Variants in SPOCK3 observed in about 807,000 individuals in gnomAD.
SPOCK3 encodes SPARC (osteonectin), cwcv and kazal like domains proteoglycan 3.
A neutral mutation model predicts 56.6 loss-of-function variants in SPOCK3; 30 were observed. The ratio of observed to expected loss-of-function variants is 0.53; its 90% CI spans 0.40 to 0.72. The LOEUF is 0.72. SPOCK3 is among the 30% of genes least tolerant of loss of function. The pLI is 0.00. For synonymous variants in SPOCK3, 196 were observed against 183.3 expected, an observed-to-expected ratio of 1.07 and a Z score of -0.56; for missense variants, 527 against 530.0, an observed-to-expected ratio of 0.99 and a Z score of 0.06.
At chr4:166,937,325 A>G (rs1740520932) in intron 4 of SPOCK3, among the ~76,000 whole-genome samples, 1 of 151,452 alleles carries the variant, frequency 6.6e-6, no homozygotes, top group Admixed American at 6.6e-5. Context: ...AAAATGTAGC[A>G]TTTGATCAAG....
At chr4:167,130,478 A>G (rs1762616664) in intron 2 of SPOCK3, among the ~76,000 whole-genome samples, 1 of 152,158 alleles carries the variant, frequency 6.6e-6, no homozygotes, top group South Asian at 2.1e-4. Flanking sequence ...AATGCCTAAA[A>G]ATTTCTGATG....
intron 9 of SPOCK3, among the ~76,000 whole-genome samples, chr4:166,740,905 G>A (rs1734777877): frequency 1.3e-5 from 2 of 152,186 alleles, no homozygotes; most frequent in Middle Eastern, 6.8e-3. Flanking sequence ...ACACATTGTA[G>A]CATTTATCAT....
intron 4 of SPOCK3, among the ~76,000 whole-genome samples, chr4:166,927,299 C>T (rs935987389): frequency 3.3e-5 from 5 of 152,086 alleles, no homozygotes; most frequent in Admixed American, 6.6e-5. Context: ...ATCATTGGGG[C>T]GGTTTCTCCA....
chr4:166,915,920 C>A (rs1336214625), intron 4 of SPOCK3, among the ~76,000 whole-genome samples: 1 of 152,060 alleles, frequency 6.6e-6, no homozygotes, highest in East Asian at 1.9e-4. Context: ...AGTAAAAAAC[C>A]TAAGCTGGCT....
At chr4:166,767,142 T>G (rs13114149) in intron 7 of SPOCK3, among the ~76,000 whole-genome samples, 2 of 151,682 alleles carry the variant, frequency 1.3e-5, no homozygotes, top group East Asian at 1.9e-4. Context: ...AAAACCAGCT[T>G]CTGGATTCAT....
intron 3 of SPOCK3, among the ~76,000 whole-genome samples, chr4:167,017,324 G>A (rs1289790626): frequency 1.3e-5 from 2 of 152,070 alleles, no homozygotes; most frequent in African/African-American, 2.4e-5. Flanking sequence ...ACCTTGGGAG[G>A]AGAGCTGCTC....
intron 4 of SPOCK3, among the ~76,000 whole-genome samples, chr4:166,930,149 A>C (rs1739574452): frequency 1.3e-5 from 2 of 152,084 alleles, no homozygotes; most frequent in Non-Finnish European, 2.9e-5. Context: ...TTTGTTTATA[A>C]AAAAATGTTT....
At chr4:167,021,769 C>T (rs1253807420) in intron 3 of SPOCK3, among the ~76,000 whole-genome samples, 1 of 152,114 alleles carries the variant, frequency 6.6e-6, no homozygotes, top group East Asian at 1.9e-4. Flanking sequence ...CAATCCAAAT[C>T]AAGATAATTT....
intron 2 of SPOCK3, among the ~76,000 whole-genome samples, chr4:167,194,585 G>A (rs534511535): frequency 1.7e-3 from 260 of 152,276 alleles, no homozygotes; most frequent in Non-Finnish European, 2.9e-3. Flanking sequence ...GTTTCAGCAG[G>A]TAAAGACCTT....
chr4:167,058,068 G>A (rs753016306), intron 3 of SPOCK3, among the ~76,000 whole-genome samples: 45 of 152,056 alleles, frequency 3.0e-4, no homozygotes, highest in African/African-American at 6.7e-4. Flanking sequence ...GTAAAAGATC[G>A]GAATTTTAAC....
At chr4:167,063,112 T>C (rs1053889322) in intron 2 of SPOCK3, among the ~76,000 whole-genome samples, 9 of 151,724 alleles carry the variant, frequency 5.9e-5, no homozygotes, top group Non-Finnish European at 1.3e-4. Context: ...AATCTAGAGG[T>C]TGAAAAGAAT....
In SPOCK3 at chr4:166,754,419, G is replaced by A. The variant is rs1465950145; in HGVS notation, c.931+89C>T. On this transcript the variant is annotated intron_variant, in intron 8 of 10. Transcript: ENST00000357545. ...ACAAAAACATACACAAAATGAATGA[G>A]CATAGTGTACTGTTTTATTTTCTTA... 5 of 1,471,448 alleles carry A rather than the reference G, an allele frequency of 3.4e-6. No individual in the cohort carries two copies. In the South Asian group the frequency reaches 5.7e-5, roughly 17 times the overall value. The allele number at this position is 1,471,448 out of a possible 1,614,324, so 91.1% of individuals were successfully genotyped here. A position where few individuals can be genotyped will look rare whatever the true frequency, so the allele number is the denominator to read the frequency against.
chr4:167,141,093 A>C (rs1329327151), intron 2 of SPOCK3, among the ~76,000 whole-genome samples: 3 of 151,954 alleles, frequency 2.0e-5, no homozygotes, highest in African/African-American at 7.2e-5. Flanking sequence ...TCTATGGAAA[A>C]CAGTTTTAGC....
chr4:167,039,662 C>G (rs1488257086), intron 3 of SPOCK3, among the ~76,000 whole-genome samples: 1 of 83,500 alleles, frequency 1.2e-5, no homozygotes, highest in East Asian at 3.2e-4. Context: ...TGGCTCCTAC[C>G]TCCATTTACT....
chr4:167,219,774 A>T (rs1735722597), intron 2 of SPOCK3, among the ~76,000 whole-genome samples: 1 of 152,168 alleles, frequency 6.6e-6, no homozygotes, highest in East Asian at 1.9e-4. Flanking sequence ...AATTACAGAA[A>T]TCATTGAATT....
At chr4:166,785,361 G>T (rs575834365) in intron 7 of SPOCK3, among the ~76,000 whole-genome samples, 25 of 152,046 alleles carry the variant, frequency 1.6e-4, no homozygotes, top group African/African-American at 6.0e-4. Context: ...TGACATTTTT[G>T]ACCATTTTGT....
At chr4:166,776,937 T>C (rs1739613754) in intron 7 of SPOCK3, among the ~76,000 whole-genome samples, 1 of 152,202 alleles carries the variant, frequency 6.6e-6, no homozygotes, top group Non-Finnish European at 1.5e-5. Flanking sequence ...ATAATTCCTT[T>C]AGGCAGAAAT....
chr4:166,738,794 T>C (rs1401245570), intron 9 of SPOCK3, among the ~76,000 whole-genome samples: 3 of 151,908 alleles, frequency 2.0e-5, no homozygotes, highest in Non-Finnish European at 4.4e-5. Flanking sequence ...ATAAAGGACA[T>C]GAACTCATCA....
At chr4:166,938,073 T>C (rs886839518) in intron 4 of SPOCK3, among the ~76,000 whole-genome samples, 2 of 151,938 alleles carry the variant, frequency 1.3e-5, no homozygotes, top group Non-Finnish European at 1.5e-5. Context: ...ATTACAGTCA[T>C]GAGCCACCGT....
Sources: allele counts gnomAD v4.1 joint callset (sites outside exome capture counted in the v4.1 genomes callset), GRCh38; gene constraint gnomAD v4.1.1; transcripts MANE v1.5; gene names NCBI Gene and HGNC (gene_info 2026-07-23, HGNC 2026-07-21).